MCC: variants seen among roughly 807,000 people sequenced by gnomAD.
MCC encodes colorectal mutant cancer protein.
MCC carries 90 observed loss-of-function variants against 116.2 expected under a neutral mutation model. That is an observed-to-expected ratio of 0.77 (90% CI 0.65 to 0.92). The LOEUF (loss-of-function observed/expected upper bound fraction) is 0.92. MCC is among the 40% of genes least tolerant of loss of function. The pLI is 0.00. For synonymous variants in MCC, 578 were observed against 510.5 expected (o/e 1.13, Z -1.78); for missense variants, 1,516 against 1,312.2 (o/e 1.16, Z -2.40).
chr5:113,327,706 A>G (rs1043253575), intron 3 of MCC, among the ~76,000 whole-genome samples: 1 of 150,474 alleles, frequency 6.6e-6, no homozygotes, highest in South Asian at 2.1e-4. Flanking sequence ...ACAGAGCTGG[A>G]ATTAACAGAA....
intron 3 of MCC, among the ~76,000 whole-genome samples, chr5:113,186,102 T>C (rs749654509): frequency 1.3e-5 from 2 of 152,142 alleles, no homozygotes; most frequent in Non-Finnish European, 1.5e-5. Flanking sequence ...TGAGGCAGCA[T>C]AGAGGTCCCT....
At chr5:113,089,576 C>G (rs1277215412) in intron 8 of MCC, among the ~76,000 whole-genome samples, 1 of 152,238 alleles carries the variant, frequency 6.6e-6, no homozygotes, top group South Asian at 2.1e-4. Context: ...TACTATCCAA[C>G]AGAACTTCCT....
Position 113,023,764 on chromosome 5 carries a change from T to TATC in MCC, c.*3535_*3537dup, listed in dbSNP as rs918429442. 9.2e-5 allele frequency: 14 copies of TATC among 152,242 alleles called. No individual in the cohort carries two copies. The highest frequency in any genetic ancestry group is 3.4e-4 in the African/African-American group (14 of 41,468). The allele number at this position is 152,242 out of a possible 1,614,324, so 9.4% of individuals were successfully genotyped here. A position where few individuals can be genotyped will look rare whatever the true frequency, so the allele number is the denominator to read the frequency against. On this transcript the variant is annotated 3_prime_UTR_variant, in exon 19 of 19. Coordinates refer to ENST00000408903, the MANE Select transcript of MCC (RefSeq NM_001085377.2). ...TTTTTTAATAGTCATCTTGATATGT[T>TATC]ATCACTTTAAAGCTTGATAATCGAA...
chr5:113,218,137 G>T (rs1463213313), intron 3 of MCC, among the ~76,000 whole-genome samples: 3 of 146,294 alleles, frequency 2.1e-5, no homozygotes, highest in African/African-American at 7.7e-5. Flanking sequence ...TATGGAGAGT[G>T]GGGGGGTGGG....
rs199816276 is a variant in MCC at position 113,185,344 on chromosome 5, AAC to A, written c.628-33924_628-33923del. On this transcript the variant is annotated intron_variant, in intron 3 of 18. Transcript: ENST00000408903. The stretch of plus-strand genomic sequence containing the variant: ...CAACTCTATGGACCTGAAAACTGCA[AAC>A]ACACACACACACACCATACAAATTG... Among the ~76,000 whole-genome samples the A allele has an allele frequency of 4.1e-4, 63 of 151,956 alleles. 1 individual carries two copies. The highest frequency in any genetic ancestry group is 1.3e-3 in the African/African-American group (52 of 41,498).
At chr5:113,337,784 A>G (rs1767905603) in intron 3 of MCC, among the ~76,000 whole-genome samples, 2 of 152,218 alleles carry the variant, frequency 1.3e-5, no homozygotes, top group Non-Finnish European at 2.9e-5. Flanking sequence ...AGGGACATAA[A>G]TTACTTTTAA....
intron 13 of MCC, among the ~76,000 whole-genome samples, chr5:113,064,918 A>G (rs1328188107): frequency 6.6e-6 from 1 of 152,170 alleles, no homozygotes; most frequent in East Asian, 1.9e-4. Context: ...TGGGTGGCTG[A>G]GCTGAGGTGG....
At chr5:113,148,194 T>C (rs550725205) in intron 4 of MCC, among the ~76,000 whole-genome samples, 4 of 152,392 alleles carry the variant, frequency 2.6e-5, no homozygotes, top group East Asian at 1.9e-4. Context: ...CTGTAGAATG[T>C]TGATGCATGT....
chr5:113,060,765 C>T (rs1227950725), intron 14 of MCC, among the ~76,000 whole-genome samples: 4 of 152,178 alleles, frequency 2.6e-5, no homozygotes, highest in Admixed American at 2.6e-4. Flanking sequence ...AGCAGGAGGA[C>T]TGATCATAAT....
intron 3 of MCC, among the ~76,000 whole-genome samples, chr5:113,252,823 C>T (rs1408629185): frequency 6.6e-6 from 1 of 152,136 alleles, no homozygotes; most frequent in Non-Finnish European, 1.5e-5. Context: ...CAAACCTAGT[C>T]CATACTATAA....
At chr5:113,115,355 T>C (rs549941719) in intron 6 of MCC, among the ~76,000 whole-genome samples, 1 of 152,358 alleles carries the variant, frequency 6.6e-6, no homozygotes, top group African/African-American at 2.4e-5. Flanking sequence ...TATAGATCTC[T>C]GTTTCTTTTC....
intron 3 of MCC, among the ~76,000 whole-genome samples, chr5:113,228,830 A>G (rs1193255348): frequency 6.6e-6 from 1 of 152,222 alleles, no homozygotes; most frequent in Non-Finnish European, 1.5e-5. Flanking sequence ...ACACACGCTC[A>G]TAGCTTAGCT....
intron 6 of MCC, among the ~76,000 whole-genome samples, chr5:113,107,857 A>G (rs1756840201): frequency 6.6e-6 from 1 of 152,214 alleles, no homozygotes; most frequent in South Asian, 2.1e-4. Context: ...GTGCTGGGTT[A>G]CAGGGAGCAG....
At chr5:113,137,123 A>T (rs1175086884) in intron 5 of MCC, among the ~76,000 whole-genome samples, 3 of 152,144 alleles carry the variant, frequency 2.0e-5, no homozygotes, top group Non-Finnish European at 4.4e-5. Flanking sequence ...GCATGGCTGG[A>T]GAGGCCTCAG....
chr5:113,440,528 T>C (rs983743563), intron 1 of MCC, among the ~76,000 whole-genome samples: 1 of 151,476 alleles, frequency 6.6e-6, no homozygotes, highest in Non-Finnish European at 1.5e-5. Flanking sequence ...CAATGCTCTA[T>C]AGGTACTCAA....
chr5:113,474,141 T>A (rs1772171224), intron 1 of MCC, among the ~76,000 whole-genome samples: 1 of 152,186 alleles, frequency 6.6e-6, no homozygotes, highest in African/African-American at 2.4e-5. Flanking sequence ...TTATCAAGCA[T>A]TTGAAGTGTT....
At chr5:113,433,855 C>G in intron 1 of MCC, 1 of 1,614,012 alleles carries the variant, frequency 6.2e-7, no homozygotes. Flanking sequence ...GCTGTCCCCT[C>G]GGGTTTTGTC....
intron 7 of MCC, among the ~76,000 whole-genome samples, chr5:113,103,595 T>C (rs1487799172): frequency 2.6e-5 from 4 of 152,252 alleles, no homozygotes; most frequent in East Asian, 1.9e-4. Context: ...TTCCTACTTA[T>C]AGAAACTTGG....
intron 1 of MCC, among the ~76,000 whole-genome samples, chr5:113,458,369 A>G (rs532838297): frequency 2.3e-4 from 35 of 151,922 alleles, no homozygotes; most frequent in Non-Finnish European, 2.9e-5. Flanking sequence ...GAAGGTCTGC[A>G]GCTTCACTCC....
Sources: allele counts gnomAD v4.1 joint callset (sites outside exome capture counted in the v4.1 genomes callset), GRCh38; gene constraint gnomAD v4.1.1; transcripts MANE v1.5; gene names NCBI Gene and HGNC (gene_info 2026-07-23, HGNC 2026-07-21).